The following BMPR2 variants were observed in gnomAD, a reference collection of about 807,000 sequenced individuals.
BMPR2 encodes the protein bone morphogenetic protein receptor type-2.
In BMPR2, 29 loss-of-function variants were observed where a neutral mutation model predicts 100.8. The ratio of observed to expected loss-of-function variants is 0.29; its 90% confidence interval spans 0.21 to 0.39. BMPR2 has a LOEUF of 0.39. BMPR2 is among the 10% of genes least tolerant of loss of function. The pLI, the probability that BMPR2 is intolerant of heterozygous loss-of-function variation, is 1.00. For missense variants in BMPR2, 1,011 were observed against 1,274.5 expected (o/e 0.79, Z 3.15); for synonymous variants, 382 against 442.3 (o/e 0.86, Z 1.71).
chr2:202,399,534 T>G (rs542512043), intron 1 of BMPR2, among the ~76,000 whole-genome samples: 5 of 152,342 alleles, frequency 3.3e-5, no homozygotes, highest in Non-Finnish European at 5.9e-5. Context: ...GAATTTTATT[T>G]TGAGAAAATA....
intron 3 of BMPR2, among the ~76,000 whole-genome samples, chr2:202,470,764 C>G (rs578147592): frequency 7.1e-6 from 1 of 140,016 alleles, no homozygotes; most frequent in Non-Finnish European, 1.5e-5. Flanking sequence ...GAGCGAGACT[C>G]CGTCTCAAAA....
intron 1 of BMPR2, among the ~76,000 whole-genome samples, chr2:202,463,575 T>C (rs1403769233): frequency 6.6e-6 from 1 of 152,236 alleles, no homozygotes; most frequent in Non-Finnish European, 1.5e-5. Flanking sequence ...TGGCCAAGTG[T>C]ATTAGACTAT....
chr2:202,559,682 A>C lies in BMPR2; in HGVS notation c.2867-14A>C. ...TTTGTTAAATAGCTCATTTTTCTGCACTTTTATTTTCAGTAGGTGAGTCAA... is the reference window on the plus strand; with the variant it reads ...TTTGTTAAATAGCTCATTTTTCTGCCCTTTTATTTTCAGTAGGTGAGTCAA... On this transcript the variant is annotated splice_polypyrimidine_tract_variant and intron_variant, in intron 12 of 12. Transcript: ENST00000374580. 1 of 1,613,624 alleles carries C rather than the reference A, an allele frequency of 6.2e-7. No homozygotes were observed. Among genetic ancestry groups the C allele is most frequent in the South Asian group, 1.1e-5 (1 of 91,004 alleles).
chr2:202,401,568 A>G (rs1690769508), intron 1 of BMPR2, among the ~76,000 whole-genome samples: 1 of 152,254 alleles, frequency 6.6e-6, no homozygotes, highest in Non-Finnish European at 1.5e-5. Context: ...CTTAATACAT[A>G]TGTAATACTT....
At chr2:202,513,867 C>A (rs1050005359) in intron 4 of BMPR2, 38 bp downstream of exon 4, 8 of 1,443,006 alleles carry the variant, frequency 5.5e-6, no homozygotes, top group Non-Finnish European at 7.8e-6. Context: ...GTTTATTAAA[C>A]ATGCAATTTA....
rs1436678242 is a variant in BMPR2, at chr2:202,566,664, G to A, written c.*6718G>A. 1 of 152,164 alleles carries A rather than the reference G, an allele frequency of 6.6e-6. No individual in the cohort carries two copies. The highest frequency in any genetic ancestry group is 2.4e-5 in the African/African-American group (1 of 41,450). The allele number at this position is 152,164 out of a possible 1,614,324, so 9.4% of individuals were successfully genotyped here. On this transcript the variant is annotated 3_prime_UTR_variant, in exon 13 of 13. Transcript: ENST00000374580. Reference sequence around the variant, plus strand: ...TTCCTGTCAGATAGGATTTTCTCAAGAGACAATTTAACGTTATAAAGCCTT... The same window carrying A: ...TTCCTGTCAGATAGGATTTTCTCAAAAGACAATTTAACGTTATAAAGCCTT...
intron 1 of BMPR2, among the ~76,000 whole-genome samples, chr2:202,400,919 C>T (rs16839126): frequency 0.041 from 6,263 of 152,066 alleles, 178 homozygotes; most frequent in Middle Eastern, 0.12. Flanking sequence ...TACTGAATTC[C>T]GAACTCTCCT....
intron 2 of BMPR2, among the ~76,000 whole-genome samples, chr2:202,466,425 T>G (rs1465679174): frequency 1.3e-5 from 2 of 152,052 alleles, no homozygotes; most frequent in Non-Finnish European, 2.9e-5. Context: ...TAGCTGGGAC[T>G]ACAGGTGCGC....
At chr2:202,453,402 A>G (rs1042170495) in intron 1 of BMPR2, among the ~76,000 whole-genome samples, 3 of 152,166 alleles carry the variant, frequency 2.0e-5, no homozygotes, top group African/African-American at 7.2e-5. Context: ...AAGATTTGGA[A>G]GCAACCTAAG....
In BMPR2 at chr2:202,552,696, A is replaced by G; in HGVS notation, c.1414-20A>G. On this transcript the variant is annotated intron_variant, in intron 10 of 12. Coordinates refer to ENST00000374580, the MANE Select transcript of BMPR2 (RefSeq NM_001204.7). The stretch of plus-strand genomic sequence containing the variant: ...TTTTTTTTTAAAGACACATGGTTTG[A>G]CATGTACTTTGTCTTACAGGCAGTG... 1 of 1,613,764 alleles carries G rather than the reference A, an allele frequency of 6.2e-7. No homozygotes were observed. Among genetic ancestry groups the G allele is most frequent in the Non-Finnish European group, 8.5e-7 (1 of 1,179,720 alleles).
intron 1 of BMPR2, among the ~76,000 whole-genome samples, chr2:202,430,783 A>T (rs1245562695): frequency 6.7e-6 from 1 of 150,186 alleles, no homozygotes; most frequent in Non-Finnish European, 1.5e-5. Context: ...AACATGGAGA[A>T]ACCCTATCTC....
intron 3 of BMPR2, among the ~76,000 whole-genome samples, chr2:202,506,577 G>A (rs183179006): frequency 3.9e-5 from 6 of 152,218 alleles, no homozygotes; most frequent in African/African-American, 7.2e-5. Flanking sequence ...TGGGGATTTA[G>A]GCTTCAACAT....
At chr2:202,548,468 A>AAAAAGC (rs761329171) in intron 10 of BMPR2, among the ~76,000 whole-genome samples, 64 of 152,282 alleles carry the variant, frequency 4.2e-4, no homozygotes, top group Non-Finnish European at 6.8e-4. Context: ...ATCTCAAAAA[A>AAAAAGC]AAAAGCAAAG....
intron 9 of BMPR2, among the ~76,000 whole-genome samples, chr2:202,540,156 T>C (rs1046230245): frequency 1.3e-5 from 2 of 152,188 alleles, no homozygotes; most frequent in Admixed American, 1.3e-4. Context: ...CTTTAGCAAC[T>C]TTTAAAATTA....
chr2:202,490,764 A>C (rs1692884170), intron 3 of BMPR2, among the ~76,000 whole-genome samples: 1 of 152,216 alleles, frequency 6.6e-6, no homozygotes, highest in South Asian at 2.1e-4. Flanking sequence ...GAGTAGGATT[A>C]GGGAAAAGAA....
At chr2:202,515,536 A>G (rs375805142) in intron 5 of BMPR2, among the ~76,000 whole-genome samples, 1 of 150,998 alleles carries the variant, frequency 6.6e-6, no homozygotes, top group Non-Finnish European at 1.5e-5. Context: ...GCACCATTGC[A>G]CTCTAGCCTG....
In BMPR2 at chr2:202,565,204, A is replaced by G. The variant is rs2105720678; in HGVS notation, c.*5258A>G. ...TTTTTTTCTTTTACCCAGTAGGACA[A>G]AAAAGAGCAGTTGGTCATCATCCCC... is the stretch of plus-strand genomic sequence containing the variant. On this transcript the variant is annotated 3_prime_UTR_variant, in exon 13 of 13. Coordinates refer to ENST00000374580, the MANE Select transcript of BMPR2 (RefSeq NM_001204.7). 6.6e-6 allele frequency: 1 copy of G among 152,268 alleles called. No homozygotes were observed. Among genetic ancestry groups the G allele is most frequent in the African/African-American group, 2.4e-5 (1 of 41,564 alleles). The allele number at this position is 152,268 out of a possible 1,614,324, so 9.4% of individuals were successfully genotyped here. A position where few individuals can be genotyped will look rare whatever the true frequency, so the allele number is the denominator to read the frequency against.
intron 12 of BMPR2, among the ~76,000 whole-genome samples, chr2:202,557,665 C>T (rs1688604954): frequency 6.6e-6 from 1 of 151,956 alleles, no homozygotes; most frequent in Admixed American, 6.6e-5. Flanking sequence ...GAAACTCCAT[C>T]TCAGGAAAAA....
intron 3 of BMPR2, among the ~76,000 whole-genome samples, chr2:202,492,253 C>T (rs1239826830): frequency 6.6e-6 from 1 of 151,908 alleles, no homozygotes; most frequent in Non-Finnish European, 1.5e-5. Context: ...TATTTTGTGG[C>T]CTTGGTGCTA....
Sources: allele counts gnomAD v4.1 joint callset (sites outside exome capture counted in the v4.1 genomes callset), GRCh38; gene constraint gnomAD v4.1.1; transcripts MANE v1.5; gene names NCBI Gene and HGNC (gene_info 2026-07-23, HGNC 2026-07-21).